Variants in DLGAP2 observed in about 807,000 individuals in gnomAD.
DLGAP2 encodes the protein disks large-associated protein 2.
DLGAP2 carries 26 observed loss-of-function variants against 100.3 expected under a neutral mutation model. The ratio of observed to expected loss-of-function variants is 0.26; its 90% CI spans 0.19 to 0.36. The LOEUF is 0.36. DLGAP2 is among the 10% of genes least tolerant of loss of function. The probability of loss-of-function intolerance (pLI) is 1.00; values close to 1 mark genes in which losing one functional copy is unlikely to be tolerated. For missense variants in DLGAP2, 1,858 were observed against 1,453.2 expected (o/e 1.28, Z -4.53); for synonymous variants, 886 against 630.1 (o/e 1.41, Z -6.08).
intron 5 of DLGAP2, among the ~76,000 whole-genome samples, chr8:1,561,205 C>A (rs1802146488): frequency 6.6e-6 from 1 of 152,178 alleles, no homozygotes; most frequent in Non-Finnish European, 1.5e-5. Flanking sequence ...GACTGCGAGG[C>A]CTCCCCAGCC....
At chr8:1,361,384 A>G (rs781081014) in intron 3 of DLGAP2, among the ~76,000 whole-genome samples, 2 of 152,202 alleles carry the variant, frequency 1.3e-5, no homozygotes, top group Non-Finnish European at 2.9e-5. Context: ...TATCTTTCTT[A>G]GTGCTTTATA....
At chr8:1,490,665 C>T (rs116674311) in intron 3 of DLGAP2, among the ~76,000 whole-genome samples, 1,550 of 152,254 alleles carry the variant, frequency 0.01, 25 homozygotes, top group African/African-American at 0.033. Flanking sequence ...TTGGTGGCCT[C>T]AGCCCTGGCT....
At chr8:1,400,036 G>A (rs372887114) in intron 3 of DLGAP2, among the ~76,000 whole-genome samples, 20 of 438 alleles carry the variant, frequency 0.046, 1 homozygote, top group Admixed American at 0.081. Flanking sequence ...CCACCTCCTC[G>A]TCCTCCAGAG....
At chr8:851,325 C>T (rs1271719497) in intron 1 of DLGAP2, among the ~76,000 whole-genome samples, 1 of 152,190 alleles carries the variant, frequency 6.6e-6, no homozygotes, top group East Asian at 1.9e-4. Flanking sequence ...ACGCATGTCT[C>T]AGGACGTAGC....
At chr8:1,110,352 T>G (rs1804913524) in intron 2 of DLGAP2, among the ~76,000 whole-genome samples, 3 of 143,760 alleles carry the variant, frequency 2.1e-5, no homozygotes, top group Admixed American at 7.0e-5. Context: ...ATGTGCTGGG[T>G]CTGGGTCTGT....
intron 1 of DLGAP2, among the ~76,000 whole-genome samples, chr8:796,842 T>C (rs929832482): frequency 1.3e-5 from 2 of 152,180 alleles, no homozygotes; most frequent in Admixed American, 1.3e-4. Flanking sequence ...TCCAGCCTCC[T>C]GGGGCCACCT....
At chr8:1,170,949 T>G (rs1272160520) in intron 2 of DLGAP2, among the ~76,000 whole-genome samples, 2 of 151,094 alleles carry the variant, frequency 1.3e-5, no homozygotes, top group African/African-American at 4.9e-5. Context: ...TTGCTCTTGC[T>G]TCTCTAGTTC....
intron 3 of DLGAP2, among the ~76,000 whole-genome samples, chr8:1,417,956 C>T (rs1479096117): frequency 1.3e-5 from 2 of 150,994 alleles, no homozygotes; most frequent in South Asian, 2.1e-4. Context: ...ATTCGTCTGT[C>T]GTGAAAAAAA....
intron 1 of DLGAP2, among the ~76,000 whole-genome samples, chr8:845,338 G>C (rs1797053962): frequency 6.6e-6 from 1 of 152,172 alleles, no homozygotes. Context: ...TCCATCCTAA[G>C]TGGTGTGAAG....
intron 3 of DLGAP2, among the ~76,000 whole-genome samples, chr8:1,280,299 C>T (rs1383168321): frequency 2.6e-5 from 4 of 152,164 alleles, no homozygotes; most frequent in South Asian, 4.1e-4. Flanking sequence ...GGGCTGTACT[C>T]GTAACCCCTT....
At chr8:1,040,543 C>T (rs1158828724) in intron 2 of DLGAP2, among the ~76,000 whole-genome samples, 2 of 145,562 alleles carry the variant, frequency 1.4e-5, no homozygotes, top group East Asian at 2.1e-4. Flanking sequence ...GCTCGGTGTG[C>T]GTGGTCGGCT....
At chr8:1,254,947 G>C (rs974265187) in intron 2 of DLGAP2, among the ~76,000 whole-genome samples, 26 of 134,330 alleles carry the variant, frequency 1.9e-4, no homozygotes, top group African/African-American at 6.8e-4. Context: ...TCCTGCCCGG[G>C]TGCTGTGTGT....
intron 5 of DLGAP2, among the ~76,000 whole-genome samples, chr8:1,561,577 G>C (rs1016223031): frequency 3.3e-5 from 5 of 152,164 alleles, no homozygotes; most frequent in African/African-American, 9.7e-5. Flanking sequence ...GTGGTGCTAG[G>C]GTGTCACTGT....
At chr8:1,588,762 AG>A in intron 6 of DLGAP2, among the ~76,000 whole-genome samples, 1 of 135,740 alleles carries the variant, frequency 7.4e-6, no homozygotes. Context: ...AAAAAAAAAA[AG>A]GAAAAAAAAT....
rs142708866 is a variant in DLGAP2, at chr8:1,378,813, C to T, written c.106+119930C>T. On this transcript the variant is annotated intron_variant, in intron 3 of 14. Transcript: ENST00000637795. Reference sequence around the variant, plus strand: ...GGCGTTTCCTTCATTTCCCCAGATTCTTTCAAATCCTGATTCTCTTCTCTG... The same window carrying T: ...GGCGTTTCCTTCATTTCCCCAGATTTTTTCAAATCCTGATTCTCTTCTCTG... 1.3e-3 allele frequency among the ~76,000 whole-genome samples: 192 copies of T among 152,346 alleles called. 3 individuals carry two copies. Among genetic ancestry groups the T allele is most frequent in the African/African-American group, 4.3e-3 (180 of 41,586 alleles).
chr8:1,345,520 G>A (rs1563095877), intron 3 of DLGAP2, among the ~76,000 whole-genome samples: 1 of 152,194 alleles, frequency 6.6e-6, no homozygotes, highest in Non-Finnish European at 1.5e-5. Context: ...AAGTTTTTCT[G>A]TTGTACACAT....
intron 2 of DLGAP2, among the ~76,000 whole-genome samples, chr8:1,252,024 G>C (rs1799052358): frequency 6.6e-6 from 1 of 151,574 alleles, no homozygotes; most frequent in South Asian, 2.1e-4. Flanking sequence ...GTTGTCCTGA[G>C]TCACAATGTC....
intron 2 of DLGAP2, among the ~76,000 whole-genome samples, chr8:1,066,440 TC>T (rs1246026043): frequency 7.2e-6 from 1 of 138,568 alleles, no homozygotes; most frequent in Non-Finnish European, 1.5e-5. Context: ...TGAGGGCAGC[TC>T]CCCACCTTGG....
chr8:1,338,505 T>C (rs905159733), intron 3 of DLGAP2, among the ~76,000 whole-genome samples: 1 of 152,214 alleles, frequency 6.6e-6, no homozygotes, highest in Non-Finnish European at 1.5e-5. Flanking sequence ...TAACTGCTGA[T>C]TGATACAGAA....
Sources: gnomAD v4.1 joint callset for allele counts (sites outside exome capture counted in the v4.1 genomes callset) on GRCh38, gnomAD v4.1.1 for gene constraint, MANE v1.5 for transcripts, NCBI Gene and HGNC (gene_info 2026-07-23, HGNC 2026-07-21) for gene names.